Variants in ANKRD44 observed in about 807,000 individuals in gnomAD.
ANKRD44 encodes ankyrin repeat domain 44, also known as serine/threonine-protein phosphatase 6 regulatory ankyrin repeat subunit B.
ANKRD44 carries 35 observed loss-of-function variants against 116.0 expected under a neutral mutation model. That is an observed-to-expected ratio of 0.30 (90% CI 0.23 to 0.40). The LOEUF (loss-of-function observed/expected upper bound fraction) is 0.40. Among genes scored for constraint, ANKRD44 ranks in the 10% least tolerant of loss-of-function variants. ANKRD44 has a pLI of 1.00. For synonymous variants in ANKRD44, 435 were observed against 461.8 expected (o/e 0.94, Z 0.74); for missense variants, 1,014 against 1,242.6 (o/e 0.82, Z 2.77).
At chr2:197,110,716 CACA>C in intron 9 of ANKRD44, 47 bp downstream of exon 9, 7 of 1,528,140 alleles carry the variant, frequency 4.6e-6, no homozygotes, top group Non-Finnish European at 5.4e-6. Context: ...CAGCCAAATT[CACA>C]ACAAGAAACT....
intron 1 of ANKRD44, among the ~76,000 whole-genome samples, chr2:197,275,365 T>C (rs1391222722): frequency 6.8e-6 from 1 of 146,512 alleles, no homozygotes; most frequent in Non-Finnish European, 1.5e-5. Context: ...TCCTCCCACT[T>C]CAGCCTCCCA....
intron 16 of ANKRD44, among the ~76,000 whole-genome samples, chr2:197,054,815 T>C (rs1434727761): frequency 1.3e-5 from 2 of 152,224 alleles, no homozygotes; most frequent in African/African-American, 4.8e-5. Flanking sequence ...AGTTTCTGTA[T>C]GGATGCCATG....
Position 197,121,457 on chromosome 2 carries a change from A to G in ANKRD44, c.781T>C (p.Tyr261His). 6.2e-7 allele frequency: 1 copy of G among 1,614,244 alleles called. No individual in the cohort carries two copies. The highest frequency in any genetic ancestry group is 8.5e-7 in the Non-Finnish European group (1 of 1,180,040). Residue 261 changes from tyrosine to histidine, a missense_variant, in exon 8 of 28, where the codon TAC becomes CAC. Transcript: ENST00000282272. ...TTTGGCTGGTTCACGTTAGCACCGT[A>G]GTCAATCAACTCGTTAACCACAGCA... ...QDAVVNELID[Y>H]GANVNQPNNN...
At chr2:197,113,130 C>T (rs1162091754) in intron 8 of ANKRD44, among the ~76,000 whole-genome samples, 1 of 152,092 alleles carries the variant, frequency 6.6e-6, no homozygotes, top group African/African-American at 2.4e-5. Context: ...CTTGATAATA[C>T]TTTTAGAGGA....
At chr2:197,181,962 C>T (rs1192354623) in intron 2 of ANKRD44, among the ~76,000 whole-genome samples, 2 of 152,156 alleles carry the variant, frequency 1.3e-5, no homozygotes, top group African/African-American at 4.8e-5. Flanking sequence ...AGCATGGTTC[C>T]CTCCCCATCA....
intron 27 of ANKRD44, chr2:196,990,615 G>A (rs544610764): frequency 2.8e-5 from 34 of 1,231,532 alleles, no homozygotes; most frequent in Non-Finnish European, 3.3e-5. Context: ...ACATAAACCT[G>A]GAATTCAAGC....
At chr2:197,058,382 A>G (rs2077243947) in intron 16 of ANKRD44, among the ~76,000 whole-genome samples, 1 of 140,372 alleles carries the variant, frequency 7.1e-6, no homozygotes, top group Non-Finnish European at 1.5e-5. Context: ...TTCTCCCCGC[A>G]TTTAGGCTGT....
intron 16 of ANKRD44, among the ~76,000 whole-genome samples, chr2:197,044,211 A>C (rs943968750): frequency 6.6e-6 from 1 of 152,244 alleles, no homozygotes; most frequent in Non-Finnish European, 1.5e-5. Flanking sequence ...TTATGATGCC[A>C]AATTATTCCA....
rs115325221 is a variant in ANKRD44 at position 197,101,013 on chromosome 2, C to T, written c.986-1083G>A. ...TTTTTCCTAAGAACAAAGACATTTT[C>T]GCACATAACCACAATTCCATCATTT... On this transcript the variant is annotated intron_variant, in intron 9 of 27. Coordinates refer to ENST00000282272, the MANE Select transcript of ANKRD44 (RefSeq NM_001195144.2). 9.3e-3 allele frequency among the ~76,000 whole-genome samples: 1,422 copies of T among 152,230 alleles called. 7 individuals carry two copies. The highest frequency in any genetic ancestry group is 0.017 in the Middle Eastern group (5 of 294).
intron 2 of ANKRD44, among the ~76,000 whole-genome samples, chr2:197,149,329 C>G (rs184036612): frequency 2.8e-3 from 425 of 152,278 alleles, no homozygotes; most frequent in East Asian, 0.016. Flanking sequence ...CTCCAACATC[C>G]CTCCCTACCT....
chr2:197,139,848 TTGTGTGTGTGTGTGTGTGTGTGTGTG>T lies in ANKRD44; in HGVS notation c.191-3212_191-3187del, dbSNP rs71012957. Reference sequence around the variant, plus strand: ...TGGGGGAGGGGGGACTAAGCTGCTTTTGTGTGTGTGTGTGTGTGTGTGTGTGTGTGTGTGTGTGTGTGTGTGTGTGA... The same window carrying T: ...TGGGGGAGGGGGGACTAAGCTGCTTTTGTGTGTGTGTGTGTGTGTGTGTGA... On this transcript the variant is annotated intron_variant, in intron 3 of 27. Coordinates refer to ENST00000282272, the MANE Select transcript of ANKRD44 (RefSeq NM_001195144.2). Among the ~76,000 whole-genome samples the T allele has an allele frequency of 1.1e-4, 15 of 131,666 alleles. No homozygotes were observed. In the East Asian group the frequency reaches 1.2e-3, roughly 10 times the overall value. The allele number at this position is 131,666 out of a possible 152,430, so 86.4% of individuals were successfully genotyped here. A position where few individuals can be genotyped will look rare whatever the true frequency, so the allele number is the denominator to read the frequency against.
intron 5 of ANKRD44, 40 bp from the exon 6 acceptor site, chr2:197,125,508 T>A (rs775116404): frequency 7.8e-5 from 122 of 1,563,472 alleles, no homozygotes; most frequent in Non-Finnish European, 1.1e-4. Context: ...ATACATTCTG[T>A]AATGGTGAGG....
At chr2:197,309,443 A>G (rs1185472383) in intron 1 of ANKRD44, among the ~76,000 whole-genome samples, 1 of 152,250 alleles carries the variant, frequency 6.6e-6, no homozygotes, top group East Asian at 1.9e-4. Flanking sequence ...TCTAAAAGGC[A>G]GGAGAACAAA....
At position 197,205,390 on chromosome 2, in the gene ANKRD44, GC is replaced by G. The variant is rs1211102083; in HGVS notation, c.28-18285del. The stretch of plus-strand genomic sequence containing the variant: ...ACAATGTACCAGAGCTCATTATGGA[GC>G]AGGCCCTGTGCTGCTTTCCTTATGT... On this transcript the variant is annotated intron_variant, in intron 1 of 27. Coordinates refer to ENST00000282272, the MANE Select transcript of ANKRD44 (RefSeq NM_001195144.2). Among the ~76,000 whole-genome samples the G allele has an allele frequency of 2.0e-5, 3 of 152,298 alleles. No individual in the cohort carries two copies. In the South Asian group the frequency reaches 6.2e-4, roughly 32 times the overall value.
At position 197,262,722 on chromosome 2, in the gene ANKRD44, G is replaced by A. The variant is rs975773451; in HGVS notation, c.27+47856C>T. Among the ~76,000 whole-genome samples the A allele has an allele frequency of 2.6e-5, 4 of 152,160 alleles. No homozygotes were observed. In the East Asian group the frequency reaches 7.7e-4, roughly 29 times the overall value. On this transcript the variant is annotated intron_variant, in intron 1 of 27. Transcript: ENST00000282272. ...AGTTCAAGACTAATCTGCCCAATAT[G>A]GTGAAACCCTGTCTCTAATAAAAAT...
intron 2 of ANKRD44, among the ~76,000 whole-genome samples, chr2:197,185,751 C>T (rs922229476): frequency 2.0e-5 from 3 of 152,070 alleles, no homozygotes; most frequent in African/African-American, 7.2e-5. Flanking sequence ...TAGTTTGATT[C>T]ATTTCACACA....
At chr2:197,158,961 C>T (rs1351081004) in intron 2 of ANKRD44, among the ~76,000 whole-genome samples, 3 of 149,282 alleles carry the variant, frequency 2.0e-5, no homozygotes, top group Admixed American at 6.9e-5. Context: ...AGATTAAACA[C>T]ACCCATCAGC....
rs983989094 is a variant in ANKRD44, at chr2:196,995,640, G to A, written c.2749-179C>T. On this transcript the variant is annotated intron_variant, in intron 25 of 27. Coordinates refer to ENST00000282272, the MANE Select transcript of ANKRD44 (RefSeq NM_001195144.2). ...AACAAATGGGCTCCAGACACTCTAA[G>A]AGTCCTAATAAGGTCTATTAGAACT... 2.0e-5 allele frequency among the ~76,000 whole-genome samples: 3 copies of A among 152,118 alleles called. No homozygotes were observed. The East Asian group carries it at 5.8e-4, about 29-fold the overall frequency.
At chr2:197,179,053 A>G (rs959852951) in intron 2 of ANKRD44, among the ~76,000 whole-genome samples, 3 of 132,820 alleles carry the variant, frequency 2.3e-5, no homozygotes, top group Admixed American at 8.2e-5. Flanking sequence ...TCTGAGTGAC[A>G]GAGAGAGACC....
Sources: allele counts gnomAD v4.1 joint callset (sites outside exome capture counted in the v4.1 genomes callset), GRCh38; gene constraint gnomAD v4.1.1; transcripts MANE v1.5; gene names NCBI Gene and HGNC (gene_info 2026-07-23, HGNC 2026-07-21).